Variants in UIMC1 observed in about 807,000 individuals in gnomAD.
The protein encoded by UIMC1 is BRCA1-A complex subunit RAP80.
UIMC1 carries 42 observed loss-of-function variants against 84.9 expected under a neutral mutation model. That is an observed-to-expected ratio of 0.49 (90% CI 0.39 to 0.64). The LOEUF (loss-of-function observed/expected upper bound fraction) is 0.64. Ranked by LOEUF, UIMC1 falls within the 30% of genes least tolerant of loss-of-function variation. The pLI is 0.00. For synonymous variants in UIMC1, 281 were observed against 293.0 expected, an observed-to-expected ratio of 0.96 and a Z score of 0.42; for missense variants, 825 against 847.6, an observed-to-expected ratio of 0.97 and a Z score of 0.33.
At position 176,959,991 on chromosome 5, in the gene UIMC1, A is replaced by G. The variant is rs139651516; in HGVS notation, c.1201-1837T>C. ...GGTTGCAGTGAGCCAAGATCGTGCTATTGCACTCCAGCCTGGATGACAAGA... is the reference window on the plus strand; with the variant it reads ...GGTTGCAGTGAGCCAAGATCGTGCTGTTGCACTCCAGCCTGGATGACAAGA... On this transcript the variant is annotated intron_variant, in intron 6 of 14. Transcript: ENST00000511320. Among the ~76,000 whole-genome samples, 900 of 152,330 alleles carry G rather than the reference A, an allele frequency of 5.9e-3. 8 individuals are homozygous for G. The highest frequency in any genetic ancestry group is 0.01 in the Non-Finnish European group (699 of 68,028).
In UIMC1 at chr5:176,970,803, A is replaced by G; in HGVS notation, c.296T>C (p.Val99Ala). ...CTCTTCTTCCTCCTCCTGGCTGTTC[A>G]CCTCCCTAGCTTCCTGCTCACTCAT... ...LKMSEQEARE[V>A]NSQEEEEEEL... The change falls in exon 4 of 15, where the codon GTG becomes GCG. Residue 99 changes from valine (V) to alanine (A), a missense_variant. Physicochemically the swap from Val to Ala is moderately conservative, Grantham distance 64 (BLOSUM62 0). Transcript: ENST00000511320. The G allele has an allele frequency of 6.2e-7, 1 of 1,613,920 alleles. No homozygotes were observed. Among genetic ancestry groups the G allele is most frequent in the Non-Finnish European group, 8.5e-7 (1 of 1,179,998 alleles).
chr5:176,978,237 G>C (rs568185643), intron 2 of UIMC1, among the ~76,000 whole-genome samples: 57 of 152,152 alleles, frequency 3.7e-4, no homozygotes, highest in African/African-American at 1.3e-3. Flanking sequence ...GCCAGGCGTG[G>C]TGGCAGGCGC....
Position 176,905,207 on chromosome 5 carries a change from A to G in UIMC1, c.*75T>C. 6.7e-7 allele frequency: 1 copy of G among 1,502,010 alleles called. No homozygotes were observed. The highest frequency in any genetic ancestry group is 9.1e-7 in the Non-Finnish European group (1 of 1,100,262). 93.0% of individuals were successfully genotyped at this position (1,502,010 alleles called of 1,614,324 possible). A position where few individuals can be genotyped will look rare whatever the true frequency, so the allele number is the denominator to read the frequency against. ...GCTAAAACTTGCTCAACAATGAACT[A>G]GGGACCACTATGGCTTAATGAACAT... On this transcript the variant is annotated 3_prime_UTR_variant, in exon 15 of 15. Transcript: ENST00000511320.
chr5:176,921,420 T>C (rs1761693761), intron 10 of UIMC1, among the ~76,000 whole-genome samples: 1 of 152,262 alleles, frequency 6.6e-6, no homozygotes, highest in Non-Finnish European at 1.5e-5. Flanking sequence ...TAGACTTGTA[T>C]ATCCTGCTGT....
chr5:176,968,483 A>T, intron 6 of UIMC1, 72 bp downstream of exon 6: 2 of 1,521,244 alleles, frequency 1.3e-6, no homozygotes, highest in Non-Finnish European at 1.8e-6. Flanking sequence ...GACCACAAAA[A>T]TAACAGCTAA....
chr5:176,950,951 GT>G (rs1373484327), intron 9 of UIMC1, among the ~76,000 whole-genome samples: 12 of 151,626 alleles, frequency 7.9e-5, no homozygotes, highest in Admixed American at 6.6e-4. Flanking sequence ...CAGCTTTATG[GT>G]TACTGCCAGA....
At chr5:176,925,476 T>C (rs1329382148) in intron 10 of UIMC1, among the ~76,000 whole-genome samples, 1 of 152,200 alleles carries the variant, frequency 6.6e-6, no homozygotes, top group African/African-American at 2.4e-5. Flanking sequence ...TAGCTATTTA[T>C]TCAAAAGATG....
At chr5:176,922,104 C>T (rs1325732756) in intron 10 of UIMC1, among the ~76,000 whole-genome samples, 1 of 152,076 alleles carries the variant, frequency 6.6e-6, no homozygotes, top group Non-Finnish European at 1.5e-5. Flanking sequence ...TTTAATCGAG[C>T]CCCCTTTTTC....
intron 1 of UIMC1, among the ~76,000 whole-genome samples, chr5:176,991,077 G>A (rs10039510): frequency 0.098 from 14,910 of 151,390 alleles, 1,554 homozygotes; most frequent in African/African-American, 0.26. Flanking sequence ...GCACTATCTC[G>A]GCTCACTGCA....
chr5:176,935,589 C>G (rs1052825519), intron 10 of UIMC1, among the ~76,000 whole-genome samples: 5 of 152,238 alleles, frequency 3.3e-5, no homozygotes, highest in African/African-American at 1.2e-4. Context: ...TAGCTACGTA[C>G]CAGTAGCAAT....
chr5:176,929,379 C>T (rs371099786), intron 10 of UIMC1, among the ~76,000 whole-genome samples: 7 of 150,030 alleles, frequency 4.7e-5, no homozygotes, highest in South Asian at 4.2e-4. Context: ...CTGGCTAACA[C>T]GGTGAAACCC....
chr5:176,977,582 C>CAAAAAAAAAAAAAAAAAAAAAAAAAAA (rs1270486136), intron 2 of UIMC1, among the ~76,000 whole-genome samples: 1 of 47,814 alleles, frequency 2.1e-5, no homozygotes, highest in Admixed American at 3.0e-4. Flanking sequence ...GACTCCATCT[C>CAAAAAAAAAAAAAAAAAAAAAAAAAAA]AAAAAAAAAA....
chr5:176,908,480 C>T, intron 12 of UIMC1, 43 bp downstream of exon 12: 2 of 1,575,598 alleles, frequency 1.3e-6, no homozygotes, highest in African/African-American at 1.3e-5. Context: ...CAACTGACAA[C>T]CAGGAGGGTT....
chr5:176,999,889 T>G (rs1465810663), intron 1 of UIMC1, among the ~76,000 whole-genome samples: 1 of 152,196 alleles, frequency 6.6e-6, no homozygotes, highest in Non-Finnish European at 1.5e-5. Context: ...TTCAATATAC[T>G]GATTTCCTTT....
At chr5:176,950,104 T>C (rs1410548328) in intron 9 of UIMC1, among the ~76,000 whole-genome samples, 1 of 144,766 alleles carries the variant, frequency 6.9e-6, no homozygotes, top group Non-Finnish European at 1.5e-5. Context: ...ACCTTTCTTT[T>C]TTTTTTTTTT....
chr5:176,991,304 C>T (rs1212325001), intron 1 of UIMC1, among the ~76,000 whole-genome samples: 2 of 151,884 alleles, frequency 1.3e-5, no homozygotes, highest in African/African-American at 4.8e-5. Context: ...CCACCAAGCC[C>T]GGCCTCAGTT....
Position 176,968,883 on chromosome 5 carries a change from T to C in UIMC1, c.872A>G (p.Gln291Arg). 1 of 1,614,056 alleles carries C rather than the reference T, an allele frequency of 6.2e-7. No individual in the cohort carries two copies. Among genetic ancestry groups the C allele is most frequent in the Non-Finnish European group, 8.5e-7 (1 of 1,179,934 alleles). The change falls in exon 6 of 15, where the codon CAG becomes CGG. Residue 291 changes from glutamine to arginine, a missense_variant. Physicochemically the swap from Gln to Arg is conservative, Grantham distance 43. Coordinates refer to ENST00000511320, the MANE Select transcript of UIMC1 (RefSeq NM_001199298.2). ...CTGGCAGAGAATGACCTTGGTATAC[T>C]GGTTAGGGTCTACTCCATCAGGGCA... ...PFCPDGVDPN[Q>R]YTKVILCQLE...
chr5:176,949,111 A>T (rs114253888), intron 9 of UIMC1, among the ~76,000 whole-genome samples: 16,422 of 151,294 alleles, frequency 0.11, 1,150 homozygotes, highest in Non-Finnish European at 0.15. Context: ...TTATTTATTT[A>T]TTTTTTTAAA....
Position 176,938,395 on chromosome 5 carries a change from CAAGTA to C in UIMC1, c.1597+4935_1597+4939del, listed in dbSNP as rs569291982. On this transcript the variant is annotated intron_variant, in intron 10 of 14. Coordinates refer to ENST00000511320, the MANE Select transcript of UIMC1 (RefSeq NM_001199298.2). ...GGGGCAGGCAAGCTGGTGGGGAAAC[CAAGTA>C]AAGAGATCAAACGTACTGAGTACCT... 2.4e-3 allele frequency among the ~76,000 whole-genome samples: 372 copies of C among 152,068 alleles called. 1 individual carries two copies. Among genetic ancestry groups the C allele is most frequent in the African/African-American group, 8.7e-3 (360 of 41,460 alleles).
Sources: allele counts gnomAD v4.1 joint callset (sites outside exome capture counted in the v4.1 genomes callset), GRCh38; gene constraint gnomAD v4.1.1; transcripts MANE v1.5; gene names NCBI Gene and HGNC (gene_info 2026-07-23, HGNC 2026-07-21).